The following SHANK2 variants were observed in gnomAD, a reference collection of about 807,000 sequenced individuals.
SHANK2 encodes the protein SH3 and multiple ankyrin repeat domains 2.
In SHANK2, 43 loss-of-function variants were observed where a neutral mutation model predicts 133.7. The ratio of observed to expected loss-of-function variants is 0.32; its 90% CI spans 0.25 to 0.41. The LOEUF is 0.41. Ranked by LOEUF, SHANK2 falls within the 10% of genes least tolerant of loss-of-function variation. SHANK2 has a pLI of 1.00. For missense variants in SHANK2, 1,994 were observed against 2,235.8 expected, an observed-to-expected ratio of 0.89 and a Z score of 2.18; for synonymous variants, 1,017 against 952.8, an observed-to-expected ratio of 1.07 and a Z score of -1.24.
chr11:70,533,687 G>A (rs573642594), intron 17 of SHANK2, among the ~76,000 whole-genome samples: 11 of 152,190 alleles, frequency 7.2e-5, no homozygotes, highest in African/African-American at 1.4e-4. Context: ...TTTAAAGTGT[G>A]CGACTCCATG....
intron 11 of SHANK2, among the ~76,000 whole-genome samples, chr11:70,829,631 A>C (rs1245306421): frequency 1.6e-4 from 1 of 6,312 alleles, no homozygotes; most frequent in Non-Finnish European, 9.1e-3. Flanking sequence ...GGGCAGGATG[A>C]GGCTTTGGAC....
chr11:71,132,963 C>A (rs376173336), intron 3 of SHANK2, among the ~76,000 whole-genome samples: 27 of 152,340 alleles, frequency 1.8e-4, no homozygotes, highest in African/African-American at 5.3e-4. Context: ...GCAGCACTCT[C>A]TTTGGTCTTA....
intron 1 of SHANK2, among the ~76,000 whole-genome samples, chr11:71,244,611 C>T (rs2135819129): frequency 6.6e-6 from 1 of 152,330 alleles, no homozygotes; most frequent in East Asian, 1.9e-4. Context: ...AAGCTGACTG[C>T]AGGAGCAGAT....
At chr11:70,668,710 G>A (rs1944729433) in intron 15 of SHANK2, 1 of 152,462 alleles carries the variant, frequency 6.6e-6, no homozygotes, top group South Asian at 2.1e-4. Context: ...TGGAGGAGGA[G>A]GACTGAAGTA....
intron 6 of SHANK2, among the ~76,000 whole-genome samples, chr11:71,095,571 C>T (rs782194897): frequency 9.2e-5 from 14 of 152,326 alleles, no homozygotes; most frequent in East Asian, 7.7e-4. Context: ...CACTCGGTCT[C>T]GAAGCACATT....
At chr11:70,922,964 A>G (rs1555080942) in intron 10 of SHANK2, among the ~76,000 whole-genome samples, 1 of 152,222 alleles carries the variant, frequency 6.6e-6, no homozygotes, top group African/African-American at 2.4e-5. Flanking sequence ...AAATTTGAAA[A>G]AAAAATCCAC....
intron 14 of SHANK2, among the ~76,000 whole-genome samples, chr11:70,756,151 C>A (rs907109238): frequency 1.3e-5 from 2 of 152,172 alleles, no homozygotes; most frequent in Non-Finnish European, 2.9e-5. Context: ...CCAGCTCCCC[C>A]AGAGGCAGGT....
chr11:70,707,370 C>T (rs1451370888), intron 14 of SHANK2, among the ~76,000 whole-genome samples: 2 of 78,148 alleles, frequency 2.6e-5, no homozygotes, highest in African/African-American at 1.0e-4. Context: ...AAAACTCCAT[C>T]TCAAAAAAAA....
At chr11:71,146,198 C>G (rs1361590408) in intron 3 of SHANK2, among the ~76,000 whole-genome samples, 1 of 152,220 alleles carries the variant, frequency 6.6e-6, no homozygotes, top group Non-Finnish European at 1.5e-5. Context: ...CCCACATCTC[C>G]GATTTGAGGC....
chr11:70,939,754 T>A (rs1392885118), intron 10 of SHANK2, among the ~76,000 whole-genome samples: 1 of 151,960 alleles, frequency 6.6e-6, no homozygotes, highest in Non-Finnish European at 1.5e-5. Flanking sequence ...GCTCCTCTCT[T>A]TAGAGGTAGG....
chr11:70,612,022 T>C (rs11236841), intron 17 of SHANK2, among the ~76,000 whole-genome samples: 146,789 of 149,512 alleles, frequency 0.98, 72,127 homozygotes, highest in Middle Eastern at 1. Flanking sequence ...GGGGAGCGTC[T>C]TGAGCGTTCT....
chr11:71,123,344 T>C (rs1364843386), intron 3 of SHANK2, among the ~76,000 whole-genome samples: 4 of 152,118 alleles, frequency 2.6e-5, no homozygotes, highest in Non-Finnish European at 5.9e-5. Flanking sequence ...TGTCACACAA[T>C]ATGGAAAAGG....
intron 11 of SHANK2, among the ~76,000 whole-genome samples, chr11:70,844,669 T>G (rs1296066449): frequency 8.5e-5 from 13 of 152,246 alleles, no homozygotes; most frequent in African/African-American, 3.1e-4. Flanking sequence ...AGACAGGGAT[T>G]ATCTCAGTCC....
At position 70,914,618 on chromosome 11, in the gene SHANK2, G is replaced by A. The variant is rs187656261; in HGVS notation, c.1108-18051C>T. Among the ~76,000 whole-genome samples, 54 of 146,342 alleles carry A rather than the reference G, an allele frequency of 3.7e-4. 1 individual carries two copies. In the East Asian group the frequency reaches 5.6e-3, roughly 15 times the overall value. Reference sequence around the variant, plus strand: ...GGATCACTTGAAGCCAGGAGTGTAAGACCGGCCTGGGCAAGGTCTTAAGCA... The same window carrying A: ...GGATCACTTGAAGCCAGGAGTGTAAAACCGGCCTGGGCAAGGTCTTAAGCA... On this transcript the variant is annotated intron_variant, in intron 10 of 25. Transcript: ENST00000601538.
At chr11:71,176,857 A>G (rs1953457664) in intron 2 of SHANK2, among the ~76,000 whole-genome samples, 1 of 152,208 alleles carries the variant, frequency 6.6e-6, no homozygotes, top group Non-Finnish European at 1.5e-5. Flanking sequence ...TCCCAGCTTC[A>G]TGAAGCTCAA....
At chr11:71,193,396 T>C (rs1398063069) in intron 2 of SHANK2, among the ~76,000 whole-genome samples, 1 of 152,176 alleles carries the variant, frequency 6.6e-6, no homozygotes, top group Non-Finnish European at 1.5e-5. Flanking sequence ...AGATACCTCA[T>C]TTCCTGGGCT....
chr11:70,771,533 G>A (rs1463593556), intron 14 of SHANK2, among the ~76,000 whole-genome samples: 3 of 152,224 alleles, frequency 2.0e-5, no homozygotes, highest in Admixed American at 2.0e-4. Context: ...GCTGGGCTGG[G>A]TGGAGTGGGT....
intron 17 of SHANK2, among the ~76,000 whole-genome samples, chr11:70,653,929 C>T (rs942481470): frequency 2.6e-5 from 4 of 152,210 alleles, no homozygotes; most frequent in African/African-American, 9.7e-5. Context: ...CCACCACACC[C>T]GGCCTTATGA....
intron 4 of SHANK2, among the ~76,000 whole-genome samples, chr11:71,117,745 G>A (rs1425121781): frequency 2.0e-5 from 3 of 152,334 alleles, no homozygotes; most frequent in Middle Eastern, 3.4e-3. Context: ...GCTCCTGCAC[G>A]CTGGGCCCTC....
Sources: allele counts gnomAD v4.1 joint callset (sites outside exome capture counted in the v4.1 genomes callset), GRCh38; gene constraint gnomAD v4.1.1; transcripts MANE v1.5; gene names NCBI Gene and HGNC (gene_info 2026-07-23, HGNC 2026-07-21).